The following AKAP19 variants were observed in gnomAD, a reference collection of about 807,000 sequenced individuals.
The protein encoded by AKAP19 is small A-kinase anchoring protein.
the AKAP19 span, among the ~76,000 whole-genome samples, chr2:189,918,519 T>G: frequency 6.6e-6 from 1 of 152,204 alleles, no homozygotes; most frequent in East Asian, 1.9e-4. Flanking sequence ...AAATAAGTGT[T>G]GGTGAGAATG....
chr2:190,108,850 T>C, the AKAP19 span, among the ~76,000 whole-genome samples: 3 of 150,126 alleles, frequency 2.0e-5, no homozygotes, highest in Non-Finnish European at 4.4e-5. Context: ...CATTTGAAGA[T>C]ATAGGAGAAA....
chr2:190,000,116 G>A, the AKAP19 span, among the ~76,000 whole-genome samples: 1 of 152,096 alleles, frequency 6.6e-6, no homozygotes, highest in Admixed American at 6.6e-5. Context: ...ATATCTCCAG[G>A]ATATCAATGA....
chr2:190,191,278 G>A, the AKAP19 span, among the ~76,000 whole-genome samples: 3 of 152,074 alleles, frequency 2.0e-5, no homozygotes, highest in Non-Finnish European at 4.4e-5. Flanking sequence ...AAGCAGCTGG[G>A]ACTACAGGTG....
chr2:189,979,216 A>G, the AKAP19 span, among the ~76,000 whole-genome samples: 2 of 152,156 alleles, frequency 1.3e-5, no homozygotes, highest in African/African-American at 4.8e-5. Context: ...ACAACATGGT[A>G]CTGGCACAAA....
At chr2:190,006,583 G>A in the AKAP19 span, among the ~76,000 whole-genome samples, 1 of 149,790 alleles carries the variant, frequency 6.7e-6, no homozygotes, top group Non-Finnish European at 1.5e-5. Flanking sequence ...AGCTTGCAGT[G>A]AGCCGAGATC....
chr2:190,146,644 C>T, the AKAP19 span, among the ~76,000 whole-genome samples: 5 of 152,170 alleles, frequency 3.3e-5, no homozygotes, highest in South Asian at 8.3e-4. Flanking sequence ...CCCTTTTCAC[C>T]GCATCCATGC....
the AKAP19 span, among the ~76,000 whole-genome samples, chr2:190,168,151 C>T: frequency 6.6e-6 from 1 of 152,226 alleles, no homozygotes; most frequent in Admixed American, 6.5e-5. Context: ...AACGTCTTTG[C>T]ACCCATGGGC....
the AKAP19 span, among the ~76,000 whole-genome samples, chr2:190,196,900 G>T: frequency 6.6e-6 from 1 of 152,148 alleles, no homozygotes; most frequent in African/African-American, 2.4e-5. Flanking sequence ...CTAGTATGGA[G>T]TATTTAGAAG....
the AKAP19 span, among the ~76,000 whole-genome samples, chr2:190,099,630 T>C: frequency 1.3e-5 from 2 of 152,180 alleles, no homozygotes; most frequent in East Asian, 3.8e-4. Flanking sequence ...ATGGTGCCAA[T>C]AGACTTGTTT....
chr2:189,936,165 A>T, the AKAP19 span, among the ~76,000 whole-genome samples: 2 of 151,988 alleles, frequency 1.3e-5, no homozygotes, highest in Non-Finnish European at 2.9e-5. Flanking sequence ...ATATGTCTCC[A>T]TATTTTATTT....
the AKAP19 span, among the ~76,000 whole-genome samples, chr2:190,076,139 A>G: frequency 6.6e-6 from 1 of 152,204 alleles, no homozygotes; most frequent in African/African-American, 2.4e-5. Flanking sequence ...TTAAGTATTT[A>G]TGCATATATC....
the AKAP19 span, among the ~76,000 whole-genome samples, chr2:190,193,029 C>T: frequency 1.6e-4 from 25 of 151,986 alleles, no homozygotes; most frequent in Admixed American, 1.6e-3. Context: ...GTGGGACTTC[C>T]GGTAAAATAT....
chr2:189,943,931 G>A, the AKAP19 span, among the ~76,000 whole-genome samples: 1 of 152,194 alleles, frequency 6.6e-6, no homozygotes, highest in African/African-American at 2.4e-5. Context: ...ACCTCCGATT[G>A]TATCTTGAAA....
chr2:190,126,312 AAAAAAAAAAAAAG>A, the AKAP19 span, among the ~76,000 whole-genome samples: 5 of 141,642 alleles, frequency 3.5e-5, no homozygotes, highest in Non-Finnish European at 6.1e-5. Flanking sequence ...AAAAAAAAAA[AAAAAAAAAAAAAG>A]GTGTATATTT....
the AKAP19 span, among the ~76,000 whole-genome samples, chr2:190,141,213 G>A: frequency 0.023 from 3,435 of 152,188 alleles, 62 homozygotes; most frequent in Middle Eastern, 0.065. Flanking sequence ...AAGTCTCTGG[G>A]AAGCTCCAAA....
chr2:190,136,043 G>A, the AKAP19 span, among the ~76,000 whole-genome samples: 1 of 152,190 alleles, frequency 6.6e-6, no homozygotes, highest in Non-Finnish European at 1.5e-5. Flanking sequence ...GCATGTAGTA[G>A]ACACCGATGT....
the AKAP19 span, among the ~76,000 whole-genome samples, chr2:189,918,994 G>T: frequency 6.6e-6 from 1 of 152,120 alleles, no homozygotes. Flanking sequence ...GTTAACCATG[G>T]TCCAAAAATA....
chr2:190,094,912 G>A, the AKAP19 span, among the ~76,000 whole-genome samples: 1 of 152,224 alleles, frequency 6.6e-6, no homozygotes, highest in African/African-American at 2.4e-5. Flanking sequence ...AGTATTCAAA[G>A]AAAGTGAGAG....
the AKAP19 span, among the ~76,000 whole-genome samples, chr2:190,080,628 T>G: frequency 6.6e-6 from 1 of 152,244 alleles, no homozygotes; most frequent in Non-Finnish European, 1.5e-5. Flanking sequence ...CATAGGTCAG[T>G]TCAATTCAAG....
Sources: gnomAD v4.1 joint callset for allele counts (sites outside exome capture counted in the v4.1 genomes callset) on GRCh38, gnomAD v4.1.1 for gene constraint, MANE v1.5 for transcripts, NCBI Gene and HGNC (gene_info 2026-07-23, HGNC 2026-07-21) for gene names.